The following ARFGEF1 variants were observed in gnomAD, a reference collection of about 807,000 sequenced individuals.
The protein encoded by ARFGEF1 is brefeldin A-inhibited guanine nucleotide-exchange protein 1.
ARFGEF1 carries 42 observed loss-of-function variants against 231.0 expected under a neutral mutation model. The observed-to-expected ratio is 0.18, with a 90% CI of 0.14 to 0.24. ARFGEF1 has a LOEUF of 0.24. ARFGEF1 is among the 10% of genes least tolerant of loss of function. The pLI is 1.00. For synonymous variants in ARFGEF1, 710 were observed against 732.3 expected (o/e 0.97, Z 0.49); for missense variants, 1,345 against 2,192.0 (o/e 0.61, Z 7.72).
intron 23 of ARFGEF1, among the ~76,000 whole-genome samples, chr8:67,231,756 G>A (rs1839560700): frequency 6.6e-6 from 1 of 152,044 alleles, no homozygotes; most frequent in Non-Finnish European, 1.5e-5. Flanking sequence ...TTGTGGGAAT[G>A]AGCAAGTTAT....
intron 20 of ARFGEF1, among the ~76,000 whole-genome samples, chr8:67,239,888 G>A (rs567174491): frequency 7.2e-4 from 110 of 151,964 alleles, no homozygotes; most frequent in African/African-American, 2.6e-3. Flanking sequence ...ATTAACATAG[G>A]AATTCAAAGT....
At chr8:67,308,919 A>T (rs900542952) in intron 1 of ARFGEF1, among the ~76,000 whole-genome samples, 1 of 152,190 alleles carries the variant, frequency 6.6e-6, no homozygotes, top group African/African-American at 2.4e-5. Flanking sequence ...AAATATTTAA[A>T]ATCTACCTTT....
At chr8:67,330,316 T>C (rs1486199285) in intron 1 of ARFGEF1, among the ~76,000 whole-genome samples, 3 of 152,148 alleles carry the variant, frequency 2.0e-5, no homozygotes, top group Non-Finnish European at 4.4e-5. Flanking sequence ...GGCATACTCA[T>C]TGACTTTTTA....
intron 1 of ARFGEF1, among the ~76,000 whole-genome samples, chr8:67,314,955 C>T (rs1807237197): frequency 6.6e-6 from 1 of 152,036 alleles, no homozygotes; most frequent in Admixed American, 6.6e-5. Flanking sequence ...CAGGAGGACT[C>T]CTTGAGCAAG....
intron 1 of ARFGEF1, among the ~76,000 whole-genome samples, chr8:67,324,756 C>T (rs1807752305): frequency 6.6e-6 from 1 of 152,088 alleles, no homozygotes; most frequent in Non-Finnish European, 1.5e-5. Flanking sequence ...TTTTAAGACA[C>T]ACTTAAGATG....
Position 67,227,147 on chromosome 8 carries a change from C to T in ARFGEF1, c.3906G>A (p.Gly1302=), listed in dbSNP as rs546292835. The part of the protein sequence containing the change: ...SIVELAFQTT[G]HIVTLVFEKH... Reference sequence around the variant, plus strand: ...TAAGAGAATACTCACTGACAATGTGCCCGGTTGTTTGGAATGCAAGTTCCA... The same window carrying T: ...TAAGAGAATACTCACTGACAATGTGTCCGGTTGTTTGGAATGCAAGTTCCA... The change falls in exon 27 of 39, where the codon GGG becomes GGA. Residue 1302 remains glycine, a synonymous_variant. Coordinates refer to ENST00000262215, the MANE Select transcript of ARFGEF1 (RefSeq NM_006421.5). 59 of 1,611,824 alleles carry T rather than the reference C, an allele frequency of 3.7e-5. No individual in the cohort carries two copies. The highest frequency in any genetic ancestry group is 3.3e-4 in the Middle Eastern group (2 of 6,042).
chr8:67,258,003 A>G, intron 16 of ARFGEF1, 82 bp downstream of exon 16: 2 of 1,329,734 alleles, frequency 1.5e-6, no homozygotes, highest in Non-Finnish European at 2.1e-6. Context: ...ATTAGGTCCT[A>G]TTATCTGTAA....
intron 8 of ARFGEF1, among the ~76,000 whole-genome samples, chr8:67,276,822 T>C (rs1050646290): frequency 2.6e-5 from 4 of 152,146 alleles, no homozygotes; most frequent in African/African-American, 9.7e-5. Flanking sequence ...TTATACCGAA[T>C]GAGCATCCTA....
intron 1 of ARFGEF1, among the ~76,000 whole-genome samples, chr8:67,312,011 T>A (rs931011063): frequency 6.6e-6 from 1 of 152,144 alleles, no homozygotes; most frequent in Non-Finnish European, 1.5e-5. Context: ...GTGCAAGATG[T>A]GCTTTGTTAA....
At chr8:67,184,865 C>T (rs1008355837) in intron 5 of ARFGEF1, among the ~76,000 whole-genome samples, 22 of 145,630 alleles carry the variant, frequency 1.5e-4, no homozygotes, top group Non-Finnish European at 3.0e-4. Flanking sequence ...TTTGGGAGGC[C>T]GAGGAGGGCG....
rs1303801416 is a variant in ARFGEF1 at position 67,190,535 on chromosome 8, AGT to A, written c.560+9859_560+9860del. On this transcript the variant is annotated intron_variant, in intron 5 of 5. Transcript: ENST00000518789. ...CCGAACTGTGTATGTACATACATTG[AGT>A]GTGTTTCATGGTATTGTAAGCAAAA... 38 of 724,444 alleles carry A rather than the reference AGT, an allele frequency of 5.2e-5. No homozygotes were observed. The East Asian group carries it at 8.0e-4, about 15-fold the overall frequency. 44.9% of individuals were successfully genotyped at this position (724,444 alleles called of 1,614,324 possible).
At chr8:67,191,757 G>A (rs1240635400) in intron 5 of ARFGEF1, among the ~76,000 whole-genome samples, 1 of 152,020 alleles carries the variant, frequency 6.6e-6, no homozygotes, top group Non-Finnish European at 1.5e-5. Context: ...TATTACTCTC[G>A]AATATATATA....
At chr8:67,283,564 C>G (rs1358237554) in intron 7 of ARFGEF1, among the ~76,000 whole-genome samples, 1 of 151,834 alleles carries the variant, frequency 6.6e-6, no homozygotes. Context: ...ATAATAAGAT[C>G]AAAAGACTTG....
At chr8:67,335,455 G>C (rs917249615) in intron 1 of ARFGEF1, among the ~76,000 whole-genome samples, 4 of 152,078 alleles carry the variant, frequency 2.6e-5, no homozygotes, top group Non-Finnish European at 4.4e-5. Flanking sequence ...AAAATGATTT[G>C]AAGGATTCGT....
chr8:67,214,833 G>C (rs1272428348), intron 33 of ARFGEF1, among the ~76,000 whole-genome samples: 1 of 152,196 alleles, frequency 6.6e-6, no homozygotes, highest in Non-Finnish European at 1.5e-5. Context: ...CTGAATTCTA[G>C]GATTCTACAG....
intron 5 of ARFGEF1, among the ~76,000 whole-genome samples, chr8:67,177,114 C>T (rs1340872756): frequency 7.4e-6 from 1 of 134,722 alleles, no homozygotes; most frequent in Non-Finnish European, 1.6e-5. Flanking sequence ...TCACTATAAA[C>T]AATCACAAAC....
chr8:67,213,822 AGCCT>A (rs1212027051), intron 33 of ARFGEF1, among the ~76,000 whole-genome samples: 3 of 152,224 alleles, frequency 2.0e-5, no homozygotes, highest in Non-Finnish European at 4.4e-5. Flanking sequence ...AAGGCTTTCC[AGCCT>A]GCCTGCCTGC....
chr8:67,193,129 C>CT (rs995747695), downstream of ARFGEF1, among the ~76,000 whole-genome samples: 51 of 151,372 alleles, frequency 3.4e-4, no homozygotes, highest in East Asian at 1.6e-3. Flanking sequence ...TGGTTTTTTT[C>CT]TTTTTTTTTG....
At chr8:67,331,932 T>TAA (rs1393309211) in intron 1 of ARFGEF1, among the ~76,000 whole-genome samples, 1 of 152,126 alleles carries the variant, frequency 6.6e-6, no homozygotes, top group Non-Finnish European at 1.5e-5. Flanking sequence ...ATCAAAATCT[T>TAA]AAGAGTTTAT....
Sources: gnomAD v4.1 joint callset for allele counts (sites outside exome capture counted in the v4.1 genomes callset) on GRCh38, gnomAD v4.1.1 for gene constraint, MANE v1.5 for transcripts, NCBI Gene and HGNC (gene_info 2026-07-23, HGNC 2026-07-21) for gene names.